The following ZNF729 variants were observed in gnomAD, a reference collection of about 807,000 sequenced individuals.
The protein encoded by ZNF729 is zinc finger protein 729.
A neutral mutation model predicts 12.2 loss-of-function variants in ZNF729; 15 were observed. That is an observed-to-expected ratio of 1.23 (90% confidence interval 0.82 to 1.89). The LOEUF (loss-of-function observed/expected upper bound fraction) is 1.89, where lower values mean the gene tolerates loss of function less well. Among genes scored for constraint, ZNF729 ranks in the 40% most tolerant of loss-of-function variants. The pLI is 0.00. For missense variants in ZNF729, 1,540 were observed against 1,456.7 expected, an observed-to-expected ratio of 1.06 and a Z score of -0.93; for synonymous variants, 492 against 476.3, an observed-to-expected ratio of 1.03 and a Z score of -0.43.
At chr19:22,292,076 T>A (rs1164447555) in intron 1 of ZNF729, among the ~76,000 whole-genome samples, 2 of 151,942 alleles carry the variant, frequency 1.3e-5, no homozygotes, top group Non-Finnish European at 2.9e-5. Flanking sequence ...CAGGGGTACA[T>A]GTGCAGGTTT....
chr19:22,310,019 G>A lies in ZNF729; in HGVS notation c.254-3652G>A, dbSNP rs534620982. Among the ~76,000 whole-genome samples the A allele has an allele frequency of 7.9e-5, 12 of 151,726 alleles. No individual in the cohort carries two copies. The South Asian group carries it at 1.0e-3, about 13-fold the overall frequency. On this transcript the variant is annotated intron_variant, in intron 3 of 3. Coordinates refer to ENST00000601693, the MANE Select transcript of ZNF729 (RefSeq NM_001242680.2). ...TATTGATTTGACTCTCTGCTTGGTC[G>A]CTGTTGGTGTATAGAAGAGCTACTG...
At chr19:22,297,867 T>C (rs183023007) in intron 1 of ZNF729, among the ~76,000 whole-genome samples, 14 of 151,798 alleles carry the variant, frequency 9.2e-5, no homozygotes, top group Admixed American at 7.9e-4. Context: ...TAGCTCGGCA[T>C]GGTTGTGCAT....
intron 3 of ZNF729, among the ~76,000 whole-genome samples, chr19:22,309,149 T>G (rs1968419915): frequency 6.6e-6 from 1 of 152,174 alleles, no homozygotes; most frequent in Non-Finnish European, 1.5e-5. Context: ...CACCATTTGT[T>G]GAAAAGAGTA....
At chr19:22,289,628 A>G (rs1459803010) in intron 1 of ZNF729, among the ~76,000 whole-genome samples, 1 of 152,144 alleles carries the variant, frequency 6.6e-6, no homozygotes, top group Non-Finnish European at 1.5e-5. Flanking sequence ...AACTTTTAGA[A>G]TGCTACCAGG....
Position 22,315,545 on chromosome 19 carries a change from A to G in ZNF729, c.2128A>G (p.Lys710Glu), listed in dbSNP as rs767432927. 16 of 1,610,960 alleles carry G rather than the reference A, an allele frequency of 9.9e-6. No individual in the cohort carries two copies. The African/African-American group carries it at 1.6e-4, about 16-fold the overall frequency. ...ACATAAGATAATTCATACTGGAGAGAAACCCTACAAATGTGAAGAATGTGG... is the reference window on the plus strand; with the variant it reads ...ACATAAGATAATTCATACTGGAGAGGAACCCTACAAATGTGAAGAATGTGG... ...RRHKIIHTGE[K>E]PYKCEECGKA... The change falls in exon 4 of 4, where the codon AAA (lysine) becomes GAA (glutamate). Residue 710 changes from lysine (K) to glutamate (E), a missense_variant. Transcript: ENST00000601693.
intron 1 of ZNF729, among the ~76,000 whole-genome samples, chr19:22,294,903 C>T (rs1458057836): frequency 2.0e-4 from 30 of 151,986 alleles, no homozygotes; most frequent in Admixed American, 6.6e-5. Flanking sequence ...ATGACCCACC[C>T]GGCTCGGCTT....
intron 1 of ZNF729, among the ~76,000 whole-genome samples, chr19:22,290,432 G>A (rs773174717): frequency 1.1e-4 from 17 of 152,268 alleles, no homozygotes; most frequent in South Asian, 4.1e-4. Flanking sequence ...GCAAGAGGAC[G>A]AAGTACCAAC....
At chr19:22,312,620 C>A (rs1233047392) in intron 3 of ZNF729, among the ~76,000 whole-genome samples, 1 of 152,126 alleles carries the variant, frequency 6.6e-6, no homozygotes, top group African/African-American at 2.4e-5. Flanking sequence ...TTAAAGTATG[C>A]CACCATTTCT....
At chr19:22,304,932 A>G (rs1021186299) in intron 3 of ZNF729, 149 bp downstream of exon 3, 1 of 752,920 alleles carries the variant, frequency 1.3e-6, no homozygotes, top group Non-Finnish European at 2.1e-6. Flanking sequence ...GCTCTCACGT[A>G]GAGGCATCTT....
intron 1 of ZNF729, among the ~76,000 whole-genome samples, chr19:22,297,935 G>A (rs1968251102): frequency 6.7e-6 from 1 of 149,282 alleles, no homozygotes; most frequent in African/African-American, 2.5e-5. Context: ...AACCCAGGAG[G>A]TGGAGGTTGC....
At chr19:22,291,288 TCTC>T (rs981478297) in intron 1 of ZNF729, among the ~76,000 whole-genome samples, 1 of 152,040 alleles carries the variant, frequency 6.6e-6, no homozygotes, top group Non-Finnish European at 1.5e-5. Flanking sequence ...TGATTTCAGA[TCTC>T]CTCCCGGGGT....
intron 1 of ZNF729, among the ~76,000 whole-genome samples, chr19:22,300,594 C>G (rs1030490194): frequency 6.6e-6 from 1 of 152,160 alleles, no homozygotes; most frequent in African/African-American, 2.4e-5. Context: ...AATATGCAGG[C>G]AGAATTGCTT....
At chr19:22,294,460 C>T (rs1455626188) in intron 1 of ZNF729, among the ~76,000 whole-genome samples, 1 of 152,002 alleles carries the variant, frequency 6.6e-6, no homozygotes, top group Admixed American at 6.6e-5. Context: ...CTCTTTTTTC[C>T]TTCCATATGA....
Position 22,317,040 on chromosome 19 carries a change from C to T in ZNF729, c.3623C>T (p.Thr1208Ile), listed in dbSNP as rs1968558577. ...TGCTCATACCTTATTAGACATAAAA[C>T]AATTCATACCAGAGAGAAACCTACA... is the stretch of plus-strand genomic sequence containing the variant. ...IQCSYLIRHK[T>I]IHTREKPTNV... The change falls in exon 4 of 4, where the codon ACA becomes ATA. Residue 1208 changes from threonine (T) to isoleucine (I), a missense_variant. Thr to Ile is a moderately conservative substitution (Grantham distance 89). Transcript: ENST00000601693. 1.2e-6 allele frequency: 2 copies of T among 1,608,298 alleles called. No homozygotes were observed. The highest frequency in any genetic ancestry group is 1.4e-5 in the African/African-American group (1 of 73,896).
chr19:22,307,152 T>G (rs1449002298), intron 3 of ZNF729, among the ~76,000 whole-genome samples: 2 of 151,938 alleles, frequency 1.3e-5, no homozygotes, highest in Non-Finnish European at 2.9e-5. Flanking sequence ...ATTTTATTTT[T>G]CAACATAAAA....
intron 3 of ZNF729, among the ~76,000 whole-genome samples, chr19:22,312,440 TTGTGTGTGTGTG>T (rs138264785): frequency 8.2e-4 from 118 of 144,546 alleles, no homozygotes; most frequent in African/African-American, 1.2e-3. Context: ...TTGTCTGAAA[TTGTGTGTGTGTG>T]TGTGTGTGTG....
rs764975646 is a variant in ZNF729, at chr19:22,315,438, A to T, written c.2021A>T (p.His674Leu). Reference sequence around the variant, plus strand: ...AGCCATTTCTCAGCCCTTAGAAGACATAAGATAATTCATACTGGAAAGAAA... The same window carrying T: ...AGCCATTTCTCAGCCCTTAGAAGACTTAAGATAATTCATACTGGAAAGAAA... ...AFSHFSALRR[H>L]KIIHTGKKPY... Residue 674 changes from histidine to leucine, a missense_variant, in exon 4 of 4, where the codon CAT (histidine) becomes CTT (leucine). By Grantham distance (99) the His-to-Leu change is moderately conservative. Coordinates refer to ENST00000601693, the MANE Select transcript of ZNF729 (RefSeq NM_001242680.2). 1.2e-6 allele frequency: 2 copies of T among 1,612,806 alleles called. No individual in the cohort carries two copies. The highest frequency in any genetic ancestry group is 3.3e-4 in the Middle Eastern group (2 of 6,068).
chr19:22,286,619 GC>G (rs1968081488), intron 1 of ZNF729, 64 bp downstream of exon 1: 2 of 1,605,830 alleles, frequency 1.2e-6, no homozygotes. Context: ...GTGGGAAGTG[GC>G]TGTGGCGGGA....
intron 1 of ZNF729, among the ~76,000 whole-genome samples, chr19:22,298,448 A>AAGT (rs1302553896): frequency 3.3e-5 from 5 of 152,144 alleles, no homozygotes; most frequent in Non-Finnish European, 5.9e-5. Context: ...CAAATTGCTA[A>AAGT]AGTAGATATT....
Sources: allele counts gnomAD v4.1 joint callset (sites outside exome capture counted in the v4.1 genomes callset), GRCh38; gene constraint gnomAD v4.1.1; transcripts MANE v1.5; gene names NCBI Gene and HGNC (gene_info 2026-07-23, HGNC 2026-07-21).